The following KCNAB1 variants were observed in gnomAD, a reference collection of about 807,000 sequenced individuals.
KCNAB1 encodes potassium voltage-gated channel subfamily A regulatory beta subunit 1.
In KCNAB1, 35 loss-of-function variants were observed where a neutral mutation model predicts 64.6. The ratio of observed to expected loss-of-function variants is 0.54; its 90% CI spans 0.41 to 0.72. The LOEUF is 0.72. Ranked by LOEUF, KCNAB1 falls within the 30% of genes least tolerant of loss-of-function variation. KCNAB1 has a pLI of 0.00. For missense variants in KCNAB1, 401 were observed against 512.9 expected (o/e 0.78, Z 2.11); for synonymous variants, 177 against 183.8 (o/e 0.96, Z 0.30).
intron 1 of KCNAB1, among the ~76,000 whole-genome samples, chr3:156,165,277 CAAAAAAAAAAA>C (rs35419424): frequency 4.1e-4 from 11 of 27,136 alleles, no homozygotes; most frequent in African/African-American, 1.1e-3. Flanking sequence ...GACTCCGTCT[CAAAAAAAAAAA>C]AAAAAAAAAA....
At chr3:156,272,616 T>C (rs142040288) in intron 1 of KCNAB1, among the ~76,000 whole-genome samples, 2 of 151,904 alleles carry the variant, frequency 1.3e-5, no homozygotes, top group African/African-American at 4.8e-5. Context: ...TGAGTTCTCC[T>C]CTGGCTCAGG....
At chr3:156,136,542 C>T (rs1361119197) in intron 1 of KCNAB1, among the ~76,000 whole-genome samples, 1 of 152,286 alleles carries the variant, frequency 6.6e-6, no homozygotes, top group East Asian at 1.9e-4. Flanking sequence ...AGCATGAGAC[C>T]ACAATACTAT....
At chr3:156,470,974 A>G (rs868257408) in intron 7 of KCNAB1, among the ~76,000 whole-genome samples, 3 of 152,210 alleles carry the variant, frequency 2.0e-5, no homozygotes, top group African/African-American at 7.2e-5. Flanking sequence ...AGCCTTTATA[A>G]AAGAAGCAGG....
intron 1 of KCNAB1, among the ~76,000 whole-genome samples, chr3:156,240,345 CAATT>C (rs991734992): frequency 1.3e-5 from 2 of 151,880 alleles, no homozygotes; most frequent in African/African-American, 4.8e-5. Flanking sequence ...TTTCTTCCCT[CAATT>C]AAATTAAATC....
intron 1 of KCNAB1, among the ~76,000 whole-genome samples, chr3:156,273,128 G>GA (rs36084611): frequency 0.013 from 1,811 of 141,314 alleles, 17 homozygotes; most frequent in Middle Eastern, 0.022. Flanking sequence ...CTCCTCAAGT[G>GA]AAAAAAAAAA....
chr3:156,288,113 TC>T (rs1405860494), intron 1 of KCNAB1, among the ~76,000 whole-genome samples: 2 of 152,198 alleles, frequency 1.3e-5, no homozygotes, highest in East Asian at 3.9e-4. Context: ...GAGGCTTTTG[TC>T]CTTGGCTTAT....
At position 156,286,905 on chromosome 3, in the gene KCNAB1, A is replaced by G. The variant is rs560480907; in HGVS notation, c.276-134711A>G. 6.5e-4 allele frequency among the ~76,000 whole-genome samples: 99 copies of G among 152,286 alleles called. 3 individuals carry two copies. The South Asian group carries it at 0.019, about 30-fold the overall frequency. On this transcript the variant is annotated intron_variant, in intron 1 of 13. Coordinates refer to ENST00000490337, the MANE Select transcript of KCNAB1 (RefSeq NM_172160.3). ...CTGTGTCACTTTAGGCAAGTTATTT[A>G]ACTTCTCTGAGTCTCATGTTTCTTC...
In KCNAB1 at chr3:156,504,751, G is replaced by GTTT. The variant is rs71302274; in HGVS notation, c.659-9602_659-9600dup. 1.2e-3 allele frequency among the ~76,000 whole-genome samples: 158 copies of GTTT among 132,700 alleles called. 2 individuals carry two copies. Among genetic ancestry groups the GTTT allele is most frequent in the Non-Finnish European group, 1.8e-3 (112 of 62,140 alleles). The allele number at this position is 132,700 out of a possible 152,430, so 87.1% of individuals were successfully genotyped here. On this transcript the variant is annotated intron_variant, in intron 8 of 13. Transcript: ENST00000490337. Reference sequence around the variant, plus strand: ...TACTTGTTTTGTTTTTGTTTTTTTTGTTTTTTTTTTTTTGCTGCTGAGTTG... The same window carrying GTTT: ...TACTTGTTTTGTTTTTGTTTTTTTTGTTTTTTTTTTTTTTTTGCTGCTGAGTTG...
intron 2 of KCNAB1, among the ~76,000 whole-genome samples, chr3:156,424,976 A>T (rs961489308): frequency 6.6e-6 from 1 of 152,264 alleles, no homozygotes; most frequent in African/African-American, 2.4e-5. Context: ...AAGCTTGACA[A>T]CTTGAATAAG....
At chr3:156,137,775 C>T (rs1034450054) in intron 1 of KCNAB1, among the ~76,000 whole-genome samples, 2 of 149,922 alleles carry the variant, frequency 1.3e-5, no homozygotes, top group African/African-American at 2.5e-5. Context: ...AGACTGGTCT[C>T]GAACTCCTGA....
chr3:156,396,600 A>T (rs1576814455), intron 1 of KCNAB1, among the ~76,000 whole-genome samples: 1 of 152,232 alleles, frequency 6.6e-6, no homozygotes, highest in South Asian at 2.1e-4. Context: ...TACTGGACCC[A>T]AAGAACATCG....
At chr3:156,372,540 T>G (rs1005360423) in intron 1 of KCNAB1, among the ~76,000 whole-genome samples, 1 of 152,206 alleles carries the variant, frequency 6.6e-6, no homozygotes, top group African/African-American at 2.4e-5. Context: ...CAGGTAATAC[T>G]GATGATGCTG....
intron 1 of KCNAB1, among the ~76,000 whole-genome samples, chr3:156,165,274 T>G: frequency 1.3e-5 from 1 of 76,404 alleles, no homozygotes; most frequent in Non-Finnish European, 2.2e-5. Context: ...CGAGACTCCG[T>G]CTCAAAAAAA....
chr3:156,405,595 G>A (rs1714196232), intron 1 of KCNAB1, among the ~76,000 whole-genome samples: 1 of 152,006 alleles, frequency 6.6e-6, no homozygotes, highest in Non-Finnish European at 1.5e-5. Context: ...CCACCTAGAT[G>A]GACAACCATT....
chr3:156,473,553 C>T (rs1714109667), intron 7 of KCNAB1, among the ~76,000 whole-genome samples: 2 of 152,172 alleles, frequency 1.3e-5, no homozygotes, highest in South Asian at 2.1e-4. Context: ...GACCTCATAA[C>T]ATCTGTCTGC....
At chr3:156,326,514 A>G (rs1192983324) in intron 1 of KCNAB1, among the ~76,000 whole-genome samples, 1 of 152,170 alleles carries the variant, frequency 6.6e-6, no homozygotes, top group East Asian at 1.9e-4. Context: ...TTACATTCTC[A>G]GTAATCCTTC....
At chr3:156,415,709 G>A (rs931535680) in intron 1 of KCNAB1, among the ~76,000 whole-genome samples, 3 of 151,956 alleles carry the variant, frequency 2.0e-5, no homozygotes, top group Admixed American at 1.3e-4. Flanking sequence ...TTTCTTTGCC[G>A]ATGCAGCTTC....
chr3:156,223,991 G>A (rs140059342), intron 1 of KCNAB1, among the ~76,000 whole-genome samples: 2,415 of 152,364 alleles, frequency 0.016, 47 homozygotes, highest in Non-Finnish European at 0.019. Flanking sequence ...CTCAGGCCGC[G>A]CAGGAGCCCA....
chr3:156,279,725 G>A (rs1403488834), intron 1 of KCNAB1, among the ~76,000 whole-genome samples: 25 of 152,318 alleles, frequency 1.6e-4, no homozygotes, highest in Middle Eastern at 3.4e-3. Context: ...CAGTGATGAT[G>A]AGCATTTTTT....
Sources: allele counts gnomAD v4.1 joint callset (sites outside exome capture counted in the v4.1 genomes callset), GRCh38; gene constraint gnomAD v4.1.1; transcripts MANE v1.5; gene names NCBI Gene and HGNC (gene_info 2026-07-23, HGNC 2026-07-21).